DCC: variants seen among roughly 807,000 people sequenced by gnomAD.
DCC encodes the protein DCC netrin 1 receptor.
Under a neutral mutation model 172.5 loss-of-function variants are expected in DCC, and 58 were observed. That is an observed-to-expected ratio of 0.34 (90% CI 0.27 to 0.42). DCC has a LOEUF of 0.42. DCC is among the 10% of genes least tolerant of loss of function. DCC has a pLI of 1.00. For synonymous variants in DCC, 709 were observed against 644.5 expected, an observed-to-expected ratio of 1.10 and a Z score of -1.52; for missense variants, 1,740 against 1,791.0, an observed-to-expected ratio of 0.97 and a Z score of 0.51.
chr18:52,603,650 T>C (rs2034063976), intron 1 of DCC, among the ~76,000 whole-genome samples: 1 of 146,234 alleles, frequency 6.8e-6, no homozygotes, highest in Admixed American at 6.8e-5. Context: ...AAACAAAAAT[T>C]GACAAAGCAA....
At chr18:53,431,039 G>C (rs1911576516) in intron 21 of DCC, among the ~76,000 whole-genome samples, 1 of 152,092 alleles carries the variant, frequency 6.6e-6, no homozygotes, top group African/African-American at 2.4e-5. Flanking sequence ...AAAGAAAGGA[G>C]AGGTATATGA....
chr18:52,793,373 C>T (rs2037813282), intron 2 of DCC, among the ~76,000 whole-genome samples: 1 of 152,274 alleles, frequency 6.6e-6, no homozygotes, highest in East Asian at 1.9e-4. Context: ...ACTTTACAGG[C>T]TATTTATTAG....
At chr18:52,879,978 A>T (rs1350159369) in intron 2 of DCC, among the ~76,000 whole-genome samples, 1 of 152,164 alleles carries the variant, frequency 6.6e-6, no homozygotes, top group East Asian at 1.9e-4. Context: ...TAATTATGTC[A>T]TGGAAAATGG....
chr18:52,371,999 A>C (rs1985142028), intron 1 of DCC, among the ~76,000 whole-genome samples: 1 of 152,234 alleles, frequency 6.6e-6, no homozygotes, highest in South Asian at 2.1e-4. Context: ...CCTTTTGATC[A>C]GCTACTCATT....
intron 1 of DCC, among the ~76,000 whole-genome samples, chr18:52,397,850 G>A (rs3910150): frequency 2.0e-5 from 3 of 151,970 alleles, no homozygotes; most frequent in African/African-American, 7.2e-5. Flanking sequence ...GTTAATTGTA[G>A]GTGGCTCTGG....
chr18:53,311,295 G>A (rs2057265191), intron 13 of DCC, among the ~76,000 whole-genome samples: 1 of 151,862 alleles, frequency 6.6e-6, no homozygotes, highest in Non-Finnish European at 1.5e-5. Flanking sequence ...CTAATTTTTT[G>A]TATTTTTAGT....
chr18:52,812,494 A>G (rs1359759503), intron 2 of DCC, among the ~76,000 whole-genome samples: 1 of 152,222 alleles, frequency 6.6e-6, no homozygotes, highest in African/African-American at 2.4e-5. Flanking sequence ...AAACACACAT[A>G]TTGTGCTCAT....
intron 13 of DCC, among the ~76,000 whole-genome samples, chr18:53,306,748 A>T (rs1820646283): frequency 6.6e-6 from 1 of 152,208 alleles, no homozygotes. Flanking sequence ...CTAGGGTATG[A>T]TCAGAGCTCA....
chr18:53,109,696 G>T lies in DCC; in HGVS notation c.1261+43530G>T, dbSNP rs969539722. Among the ~76,000 whole-genome samples the T allele has an allele frequency of 6.6e-5, 10 of 150,894 alleles. No individual in the cohort carries two copies. In the Admixed American group the frequency reaches 6.7e-4, roughly 10 times the overall value. On this transcript the variant is annotated intron_variant, in intron 7 of 28. Coordinates refer to ENST00000442544, the MANE Select transcript of DCC (RefSeq NM_005215.4). ...TGCTGGGAAGATTTGGTAATGAGAA[G>T]ACATTTTTGACTGTCATTAACTGAG... is the stretch of plus-strand genomic sequence containing the variant.
At chr18:52,520,140 G>A (rs1372925549) in intron 1 of DCC, among the ~76,000 whole-genome samples, 2 of 152,172 alleles carry the variant, frequency 1.3e-5, no homozygotes, top group African/African-American at 4.8e-5. Context: ...CTTCCAAGCT[G>A]CTCAGTTCCC....
At chr18:52,907,307 C>CATATGGATATATACATATGG (rs1555680326) in intron 3 of DCC, among the ~76,000 whole-genome samples, 11 of 101,516 alleles carry the variant, frequency 1.1e-4, no homozygotes, top group Admixed American at 2.4e-4. Context: ...TGGATATATA[C>CATATGGATATATACATATGG]ATATGTATAT....
intron 8 of DCC, among the ~76,000 whole-genome samples, chr18:53,166,880 G>A (rs948564565): frequency 6.6e-6 from 1 of 152,030 alleles, no homozygotes; most frequent in African/African-American, 2.4e-5. Context: ...ATGGTTTTAG[G>A]GTAATAAGGA....
intron 1 of DCC, among the ~76,000 whole-genome samples, chr18:52,663,990 C>T (rs1273714158): frequency 6.6e-6 from 1 of 151,998 alleles, no homozygotes; most frequent in Non-Finnish European, 1.5e-5. Context: ...AAAATAAGAA[C>T]ATTATTTAGA....
At chr18:53,299,432 C>T (rs1190729219) in intron 12 of DCC, among the ~76,000 whole-genome samples, 2 of 152,122 alleles carry the variant, frequency 1.3e-5, no homozygotes, top group Non-Finnish European at 2.9e-5. Flanking sequence ...TGACGTTGTC[C>T]TTACATCTTG....
At chr18:53,152,808 C>A (rs1200884312) in intron 7 of DCC, among the ~76,000 whole-genome samples, 2 of 152,146 alleles carry the variant, frequency 1.3e-5, no homozygotes, top group African/African-American at 4.8e-5. Flanking sequence ...TTAGTAAGAA[C>A]AAAATTAATT....
At position 52,546,815 on chromosome 18, in the gene DCC, C is replaced by T. The variant is rs182821295; in HGVS notation, c.92-205239C>T. ...GGTTGCTGCTTGGCCAATTCTCATG[C>T]TCTGTAAACCTATAAAGCAGATGGG... On this transcript the variant is annotated intron_variant, in intron 1 of 28. Transcript: ENST00000442544. 2.5e-3 allele frequency among the ~76,000 whole-genome samples: 379 copies of T among 152,180 alleles called. 5 individuals carry two copies. The highest frequency in any genetic ancestry group is 0.015 in the South Asian group (72 of 4,816).
In DCC at chr18:53,499,299, A is replaced by C; in HGVS notation, c.3900A>C (p.Ser1300=). The change falls in exon 27 of 29, where the codon TCA becomes TCC. Residue 1300 remains serine, a splice_region_variant and synonymous_variant. Transcript: ENST00000442544. Reference sequence around the variant, plus strand: ...TGACTTTTCTTGTCTCCACTGCAGCAGTGAGTGAAGGACCAACTACCCAAC... The same window carrying C: ...TGACTTTTCTTGTCTCCACTGCAGCCGTGAGTGAAGGACCAACTACCCAAC... ...DRGFGAGRSQ[S]VSEGPTTQQP... is the part of the protein sequence containing the mutation. 1 of 1,614,014 alleles carries C rather than the reference A, an allele frequency of 6.2e-7. No homozygotes were observed. Among genetic ancestry groups the C allele is most frequent in the Non-Finnish European group, 8.5e-7 (1 of 1,179,966 alleles).
At chr18:52,356,589 G>C (rs1479698329) in intron 1 of DCC, among the ~76,000 whole-genome samples, 1 of 152,096 alleles carries the variant, frequency 6.6e-6, no homozygotes, top group Non-Finnish European at 1.5e-5. Context: ...GGATGATATT[G>C]TTCCATGCTT....
chr18:53,240,520 G>A (rs1396186044), intron 12 of DCC, among the ~76,000 whole-genome samples: 2 of 152,132 alleles, frequency 1.3e-5, no homozygotes, highest in Admixed American at 1.3e-4. Context: ...TGTAGACAAT[G>A]TATTAAAAAG....
Sources: allele counts gnomAD v4.1 joint callset (sites outside exome capture counted in the v4.1 genomes callset), GRCh38; gene constraint gnomAD v4.1.1; transcripts MANE v1.5; gene names NCBI Gene and HGNC (gene_info 2026-07-23, HGNC 2026-07-21).